The following LPIN1 variants were observed in gnomAD, a reference collection of about 807,000 sequenced individuals.
The protein encoded by LPIN1 is lipin 1, also known as phosphatidate phosphatase LPIN1.
Under a neutral mutation model 107.5 loss-of-function variants are expected in LPIN1, and 71 were observed. The observed-to-expected ratio is 0.66, with a 90% confidence interval of 0.55 to 0.80. The LOEUF (loss-of-function observed/expected upper bound fraction) is 0.80. Among genes scored for constraint, LPIN1 ranks in the 30% least tolerant of loss-of-function variants. LPIN1 has a pLI of 0.00. For missense variants in LPIN1, 1,043 were observed against 1,160.6 expected, an observed-to-expected ratio of 0.90 and a Z score of 1.47; for synonymous variants, 445 against 452.6, an observed-to-expected ratio of 0.98 and a Z score of 0.21.
Position 11,765,614 on chromosome 2 carries a change from G to A in LPIN1, c.73G>A (p.Ala25Thr), listed in dbSNP as rs150673063. Residue 25 changes from alanine (A) to threonine (T), a missense_variant, in exon 2 of 21, where the codon GCC becomes ACC. By Grantham distance (58) the Ala-to-Thr change is moderately conservative. Transcript: ENST00000674199. The surrounding 1 kb of genome is among the most constrained non-coding windows in gnomAD (Gnocchi z 4.4). ...GGAGCTCTACAAGGGGCTGAATCCC[G>A]CCACACTCTCAGGGTGCATTGACAT... The part of the protein sequence containing the change: ...VKELYKGLNP[A>T]TLSGCIDIIV... The A allele has an allele frequency of 4.3e-5, 69 of 1,614,118 alleles. 1 individual carries two copies. The highest frequency in any genetic ancestry group is 3.2e-4 in the African/African-American group (24 of 75,020).
chr2:11,700,335 T>A (rs2148515303), intron 1 of LPIN1, among the ~76,000 whole-genome samples: 1 of 152,290 alleles, frequency 6.6e-6, no homozygotes, highest in Non-Finnish European at 1.5e-5. Flanking sequence ...GCCCAGTGTC[T>A]ATGGGGCATC....
chr2:11,763,128 A>G (rs1238137528), intron 1 of LPIN1: 2 of 152,356 alleles, frequency 1.3e-5, no homozygotes, highest in African/African-American at 4.8e-5. Context: ...TCAGAGCTGG[A>G]AAAGAAGAGG....
chr2:11,734,144 T>G (rs1322254114), intron 1 of LPIN1, among the ~76,000 whole-genome samples: 1 of 152,182 alleles, frequency 6.6e-6, no homozygotes, highest in East Asian at 1.9e-4. Flanking sequence ...CACATTGCAA[T>G]GTGACATTTT....
intron 9 of LPIN1, chr2:11,784,168 C>T: frequency 1.4e-6 from 1 of 733,568 alleles, no homozygotes; most frequent in South Asian, 1.8e-5. Context: ...GCTGCACGTG[C>T]TGGCATGCAC....
chr2:11,709,813 G>T (rs1051952274), intron 1 of LPIN1, among the ~76,000 whole-genome samples: 2 of 152,238 alleles, frequency 1.3e-5, no homozygotes, highest in Non-Finnish European at 2.9e-5. Context: ...CTGTGTTTGT[G>T]AGATTTCTGC....
intron 1 of LPIN1, among the ~76,000 whole-genome samples, chr2:11,728,744 CTAAA>C (rs1572432998): frequency 6.6e-6 from 1 of 152,022 alleles, no homozygotes; most frequent in Non-Finnish European, 1.5e-5. Context: ...CTTGGGTTAA[CTAAA>C]TACTTTTATA....
At chr2:11,732,911 C>CTCTG (rs560068426) in intron 1 of LPIN1, among the ~76,000 whole-genome samples, 2,246 of 149,088 alleles carry the variant, frequency 0.015, 21 homozygotes, top group South Asian at 0.028. Flanking sequence ...CTCTCTCTCT[C>CTCTG]TGTGTGTGTG....
intron 14 of LPIN1, among the ~76,000 whole-genome samples, chr2:11,796,273 T>C (rs1479260806): frequency 2.6e-5 from 4 of 152,206 alleles, no homozygotes; most frequent in Admixed American, 1.3e-4. Context: ...CACAGAGTAG[T>C]CGTTTCCAAA....
At chr2:11,716,583 AGGGG>A (rs754603097) in intron 2 of LPIN1, among the ~76,000 whole-genome samples, 1 of 151,726 alleles carries the variant, frequency 6.6e-6, no homozygotes, top group Non-Finnish European at 1.5e-5. Flanking sequence ...CAAGCAGGGG[AGGGG>A]GTAGTGGGAT....
chr2:11,731,141 G>A (rs1370434931), intron 1 of LPIN1, among the ~76,000 whole-genome samples: 1 of 152,192 alleles, frequency 6.6e-6, no homozygotes, highest in Non-Finnish European at 1.5e-5. Context: ...TACATGTGCT[G>A]TGGTGGTTTG....
chr2:11,760,390 A>C (rs917205594), intron 1 of LPIN1, among the ~76,000 whole-genome samples: 5 of 152,260 alleles, frequency 3.3e-5, no homozygotes, highest in Non-Finnish European at 5.9e-5. Flanking sequence ...AGCCTGGGCA[A>C]CATTGAGCAC....
chr2:11,706,679 A>G (rs1164856284), intron 1 of LPIN1, among the ~76,000 whole-genome samples: 1 of 152,234 alleles, frequency 6.6e-6, no homozygotes, highest in Non-Finnish European at 1.5e-5. Context: ...CTTAGATCCA[A>G]TTCCCTTGAG....
intron 2 of LPIN1, among the ~76,000 whole-genome samples, chr2:11,714,859 T>G (rs1023446638): frequency 1.3e-5 from 2 of 152,202 alleles, no homozygotes; most frequent in African/African-American, 4.8e-5. Flanking sequence ...GACTAAGGAT[T>G]TGCAGAGGAC....
intron 1 of LPIN1, among the ~76,000 whole-genome samples, chr2:11,763,484 A>G (rs1670177667): frequency 6.6e-6 from 1 of 152,000 alleles, no homozygotes; most frequent in Admixed American, 6.6e-5. Context: ...TTGAACCCAG[A>G]ATATCTCTTG....
At position 11,765,655 on chromosome 2, in the gene LPIN1, G is replaced by A; in HGVS notation, c.114G>A (p.Gln38=). 1 of 1,614,144 alleles carries A rather than the reference G, an allele frequency of 6.2e-7. No homozygotes were observed. The highest frequency in any genetic ancestry group is 1.3e-5 in the African/African-American group (1 of 75,042). ...SGCIDIIVIR[Q]PNGNLQCSPF... Reference sequence around the variant, plus strand: ...GCATTGACATCATTGTCATCCGCCAGCCCAATGGAAACCTCCAATGCTCCC... The same window carrying A: ...GCATTGACATCATTGTCATCCGCCAACCCAATGGAAACCTCCAATGCTCCC... The change falls in exon 2 of 21, where the codon CAG becomes CAA. Residue 38 remains glutamine (Q), a synonymous_variant. Transcript: ENST00000674199. This position sits in a 1 kb window ranked among gnomAD's most constrained non-coding sequence, Gnocchi z 4.4.
chr2:11,753,606 T>C (rs1668198569), intron 1 of LPIN1, among the ~76,000 whole-genome samples: 1 of 152,210 alleles, frequency 6.6e-6, no homozygotes, highest in Non-Finnish European at 1.5e-5. Context: ...TGGCCTGACT[T>C]TCTGTCTGTG....
chr2:11,678,925 C>T (rs1363498616), intron 1 of LPIN1, among the ~76,000 whole-genome samples: 1 of 152,248 alleles, frequency 6.6e-6, no homozygotes, highest in African/African-American at 2.4e-5. Context: ...GAATGACACC[C>T]ACACTCAGAT....
At position 11,827,168 on chromosome 2, in the gene LPIN1, C is replaced by T. The variant is rs1682466220; in HGVS notation, c.*2377C>T. 6.6e-6 allele frequency: 1 copy of T among 152,554 alleles called. No homozygotes were observed. The allele number at this position is 152,554 out of a possible 1,614,324, so 9.5% of individuals were successfully genotyped here. ...CATGTGATGAAGACAAATATGTATA[C>T]CTGGCATAGAGAAAAATATATACCT... On this transcript the variant is annotated 3_prime_UTR_variant, in exon 21 of 21. Transcript: ENST00000674199. This position sits in a 1 kb window ranked among gnomAD's most constrained non-coding sequence, Gnocchi z 4.1.
At chr2:11,729,495 T>G (rs1162694426) in intron 1 of LPIN1, among the ~76,000 whole-genome samples, 1 of 152,234 alleles carries the variant, frequency 6.6e-6, no homozygotes, top group Non-Finnish European at 1.5e-5. Flanking sequence ...AGACCTGGGA[T>G]TGGTAAACAA....
Sources: gnomAD v4.1 joint callset for allele counts (sites outside exome capture counted in the v4.1 genomes callset) on GRCh38, gnomAD v4.1.1 for gene constraint, Gnocchi (gnomAD v3.1) non-coding constraint, MANE v1.5 for transcripts, NCBI Gene and HGNC (gene_info 2026-07-23, HGNC 2026-07-21) for gene names.